EEF1E1: variants seen among roughly 807,000 people sequenced by gnomAD.
EEF1E1 encodes the protein eukaryotic translation elongation factor 1 epsilon-1.
A neutral mutation model predicts 19.9 loss-of-function variants in EEF1E1; 19 were observed. The observed-to-expected ratio is 0.95, with a 90% CI of 0.66 to 1.40. The LOEUF is 1.40. EEF1E1 is among the 40% of genes most tolerant of loss of function. The probability of loss-of-function intolerance (pLI) is 0.00; values close to 1 mark genes in which losing one functional copy is unlikely to be tolerated. For synonymous variants in EEF1E1, 81 were observed against 80.0 expected (o/e 1.01, Z -0.07); for missense variants, 198 against 202.2 (o/e 0.98, Z 0.13).
At chr6:8,095,742 T>C (rs1393513838) in intron 2 of EEF1E1, among the ~76,000 whole-genome samples, 2 of 152,194 alleles carry the variant, frequency 1.3e-5, no homozygotes, top group Admixed American at 1.3e-4. Flanking sequence ...TTCTACTTCC[T>C]AAATTCTGTA....
chr6:8,096,880 T>A (rs1280666253), intron 2 of EEF1E1, among the ~76,000 whole-genome samples: 1 of 152,168 alleles, frequency 6.6e-6, no homozygotes, highest in African/African-American at 2.4e-5. Flanking sequence ...CTCTCTTGCC[T>A]CTGAGAAAGT....
intron 1 of EEF1E1, among the ~76,000 whole-genome samples, chr6:8,101,243 A>AAAAAAAAATATATATAT (rs1271033598): frequency 1.7e-5 from 1 of 58,478 alleles, no homozygotes; most frequent in African/African-American, 7.9e-5. Context: ...AAAAAAAAAA[A>AAAAAAAAATATATATAT]ATATATATAT....
downstream of EEF1E1, among the ~76,000 whole-genome samples, chr6:8,079,046 C>T (rs1322194842): frequency 6.6e-6 from 1 of 152,130 alleles, no homozygotes; most frequent in African/African-American, 2.4e-5. Context: ...ATTCAACCAG[C>T]AAGTTATAAA....
downstream of EEF1E1, among the ~76,000 whole-genome samples, chr6:8,076,264 A>G (rs1757584454): frequency 6.6e-6 from 1 of 151,980 alleles, no homozygotes; most frequent in African/African-American, 2.4e-5. Flanking sequence ...CTACTCCATC[A>G]GAGAAATCAC....
At chr6:8,101,539 T>C (rs896532274) in intron 1 of EEF1E1, among the ~76,000 whole-genome samples, 11 of 151,530 alleles carry the variant, frequency 7.3e-5, no homozygotes, top group African/African-American at 2.7e-4. Context: ...AAATAAAAAC[T>C]ATACTACTAC....
intron 3 of EEF1E1, among the ~76,000 whole-genome samples, chr6:8,083,244 C>CT (rs1757766183): frequency 6.6e-6 from 1 of 152,200 alleles, no homozygotes; most frequent in African/African-American, 2.4e-5. Flanking sequence ...GCTTTGCTAC[C>CT]TTTCCAACTG....
chr6:8,099,789 C>CAAAA (rs1480435847), intron 1 of EEF1E1, among the ~76,000 whole-genome samples: 5,971 of 88,380 alleles, frequency 0.068, 251 homozygotes, highest in Non-Finnish European at 0.1. Flanking sequence ...CACACACACA[C>CAAAA]ACAAAAAAAA....
intron 1 of EEF1E1, among the ~76,000 whole-genome samples, chr6:8,099,765 CA>C: frequency 1.1e-5 from 1 of 87,636 alleles, no homozygotes. Flanking sequence ...CACACACACA[CA>C]CACACACACA....
chr6:8,097,442 C>G lies in EEF1E1; in HGVS notation c.113G>C (p.Gly38Ala), dbSNP rs1266809436. ...AGTAGTCAATCCTGTTAGACTTGGA[C>G]CATTGTTTGTCTGAAGAACTGGAAT... ...RQIPVLQTNN[G>A]PSLTGLTTIA... Residue 38 changes from glycine to alanine, a missense_variant, in exon 2 of 4, where the codon GGT (glycine) becomes GCT (alanine). Physicochemically the swap from Gly to Ala is moderately conservative, Grantham distance 60 (BLOSUM62 0). Transcript: ENST00000379715. 1 of 1,613,846 alleles carries G rather than the reference C, an allele frequency of 6.2e-7. No homozygotes were observed. The highest frequency in any genetic ancestry group is 8.5e-7 in the Non-Finnish European group (1 of 1,179,934).
At chr6:8,102,320 T>C (rs1279209420) in intron 1 of EEF1E1, 115 bp downstream of exon 1, 2 of 1,100,866 alleles carry the variant, frequency 1.8e-6, no homozygotes, top group Non-Finnish European at 2.5e-6. Flanking sequence ...CGTGGGGAGC[T>C]GGGTAGCAGC....
intron 2 of EEF1E1, among the ~76,000 whole-genome samples, chr6:8,090,681 T>G (rs1338933139): frequency 6.6e-6 from 1 of 152,210 alleles, no homozygotes. Flanking sequence ...TCTATATCCA[T>G]GAAACAATAA....
In EEF1E1 at chr6:8,099,223, G is replaced by A. The variant is rs144645656; in HGVS notation, c.88-1756C>T. The stretch of plus-strand genomic sequence containing the variant: ...AATGCATAATGATATTCTGGTCAAC[G>A]ATGTTCTGGATGGCATATCCAATGG... On this transcript the variant is annotated intron_variant, in intron 1 of 3. Coordinates refer to ENST00000379715, the MANE Select transcript of EEF1E1 (RefSeq NM_004280.5). 7.9e-5 allele frequency among the ~76,000 whole-genome samples: 12 copies of A among 152,310 alleles called. No homozygotes were observed. The East Asian group carries it at 1.5e-3, about 20-fold the overall frequency.
intron 1 of EEF1E1, among the ~76,000 whole-genome samples, chr6:8,101,240 AAAAATATATATATATATATATATATAT>A (rs1170228177): frequency 1.3e-5 from 1 of 76,232 alleles, no homozygotes; most frequent in Non-Finnish European, 2.5e-5. Flanking sequence ...AAAAAAAAAA[AAAAATATATATATATATATATATATAT>A]ATATATATAT....
At chr6:8,080,134 A>G (rs1415350829) in intron 3 of EEF1E1, 104 bp from the exon 4 acceptor site, 2 of 1,295,596 alleles carry the variant, frequency 1.5e-6, no homozygotes, top group African/African-American at 2.9e-5. Context: ...AACAACATCA[A>G]TCCCCCAAGA....
At chr6:8,101,821 G>C (rs918093725) in intron 1 of EEF1E1, 1 of 1,289,276 alleles carries the variant, frequency 7.8e-7, no homozygotes, top group African/African-American at 1.5e-5. Flanking sequence ...ATAATCCAAG[G>C]CTTTAGAAAC....
At chr6:8,085,787 T>C (rs1757838192) in intron 3 of EEF1E1, among the ~76,000 whole-genome samples, 1 of 152,236 alleles carries the variant, frequency 6.6e-6, no homozygotes, top group Non-Finnish European at 1.5e-5. Context: ...TTCAGATATT[T>C]TTCTGACAAT....
chr6:8,080,137 C>T (rs1561880857), intron 3 of EEF1E1, 107 bp from the exon 4 acceptor site: 2 of 1,258,138 alleles, frequency 1.6e-6, no homozygotes, highest in Non-Finnish European at 2.2e-6. Flanking sequence ...AACATCAATC[C>T]CCCAAGAGCT....
At chr6:8,100,161 G>T (rs554531551) in intron 1 of EEF1E1, among the ~76,000 whole-genome samples, 17 of 152,232 alleles carry the variant, frequency 1.1e-4, no homozygotes, top group Non-Finnish European at 1.9e-4. Context: ...CTCTGAACTC[G>T]GAAGTCTTCA....
At chr6:8,102,360 G>A in intron 1 of EEF1E1, 75 bp downstream of exon 1, 1 of 1,449,600 alleles carries the variant, frequency 6.9e-7, no homozygotes, top group Non-Finnish European at 9.4e-7. Flanking sequence ...CTGGTGGCCG[G>A]CCCGGGTCCT....
Sources: gnomAD v4.1 joint callset for allele counts (sites outside exome capture counted in the v4.1 genomes callset) on GRCh38, gnomAD v4.1.1 for gene constraint, MANE v1.5 for transcripts, NCBI Gene and HGNC (gene_info 2026-07-23, HGNC 2026-07-21) for gene names.